Variants in HS6ST3 observed in about 807,000 individuals in gnomAD.
The protein encoded by HS6ST3 is heparan sulfate 6-O-sulfotransferase 3.
A neutral mutation model predicts 36.7 loss-of-function variants in HS6ST3; 12 were observed. The observed-to-expected ratio is 0.33, with a 90% CI of 0.21 to 0.53. HS6ST3 has a LOEUF of 0.53. HS6ST3 is among the 20% of genes least tolerant of loss of function. The probability of loss-of-function intolerance (pLI) is 0.95; values close to 1 mark genes in which losing one functional copy is unlikely to be tolerated. For synonymous variants in HS6ST3, 240 were observed against 257.5 expected (o/e 0.93, Z 0.65); for missense variants, 584 against 640.9 (o/e 0.91, Z 0.96).
At chr13:96,131,515 A>G (rs192459994) in intron 1 of HS6ST3, among the ~76,000 whole-genome samples, 5 of 152,330 alleles carry the variant, frequency 3.3e-5, no homozygotes, top group Admixed American at 3.3e-4. Context: ...AAATCTAATT[A>G]ACATTATGTA....
chr13:96,750,225 G>A (rs1320100685), intron 1 of HS6ST3, among the ~76,000 whole-genome samples: 2 of 152,216 alleles, frequency 1.3e-5, no homozygotes, highest in Non-Finnish European at 2.9e-5. Context: ...AACTCATAAA[G>A]TGTTAGTTAC....
At chr13:96,448,416 A>G (rs2055709786) in intron 1 of HS6ST3, among the ~76,000 whole-genome samples, 1 of 152,148 alleles carries the variant, frequency 6.6e-6, no homozygotes. Flanking sequence ...CTTATGGCTA[A>G]ATACTAAACC....
At chr13:96,596,067 A>T (rs2056400332) in intron 1 of HS6ST3, among the ~76,000 whole-genome samples, 1 of 152,182 alleles carries the variant, frequency 6.6e-6, no homozygotes, top group Admixed American at 6.5e-5. Context: ...ATGGTACTCA[A>T]CAGGTAATTT....
chr13:96,475,722 G>C (rs979111135), intron 1 of HS6ST3, among the ~76,000 whole-genome samples: 10 of 151,928 alleles, frequency 6.6e-5, no homozygotes, highest in African/African-American at 2.4e-4. Flanking sequence ...TTCAACAATG[G>C]TCACAGGTCA....
chr13:96,527,170 G>A (rs2056117578), intron 1 of HS6ST3, among the ~76,000 whole-genome samples: 1 of 152,030 alleles, frequency 6.6e-6, no homozygotes, highest in African/African-American at 2.4e-5. Flanking sequence ...GCTCACTGCA[G>A]CCTCAAATTC....
chr13:96,537,265 A>C (rs1244250353), intron 1 of HS6ST3, among the ~76,000 whole-genome samples: 1 of 152,182 alleles, frequency 6.6e-6, no homozygotes, highest in Non-Finnish European at 1.5e-5. Flanking sequence ...GTGAGACTTA[A>C]CTACCACGAG....
At chr13:96,822,361 A>G (rs1183932878) in intron 1 of HS6ST3, among the ~76,000 whole-genome samples, 2 of 152,224 alleles carry the variant, frequency 1.3e-5, no homozygotes, top group African/African-American at 4.8e-5. Flanking sequence ...GAATGAGAGC[A>G]GGACCCTCCC....
In HS6ST3 at chr13:96,324,712, A is replaced by G. The variant is rs556763395; in HGVS notation, c.707+233143A>G. 7.2e-4 allele frequency among the ~76,000 whole-genome samples: 110 copies of G among 152,320 alleles called. 1 individual carries two copies. Among genetic ancestry groups the G allele is most frequent in the African/African-American group, 2.6e-3 (109 of 41,578 alleles). Reference sequence around the variant, plus strand: ...GGAACATTTGAACACAGAGACACATACAGAGAGAAGATGTGAAGCTAAAGA... The same window carrying G: ...GGAACATTTGAACACAGAGACACATGCAGAGAGAAGATGTGAAGCTAAAGA... On this transcript the variant is annotated intron_variant, in intron 1 of 1. Transcript: ENST00000376705.
chr13:96,493,531 G>A (rs1159806753), intron 1 of HS6ST3, among the ~76,000 whole-genome samples: 5 of 151,854 alleles, frequency 3.3e-5, no homozygotes, highest in Admixed American at 3.3e-4. Context: ...TGACAGTGTG[G>A]GTACTTTTGG....
At chr13:96,677,394 T>C (rs1244593960) in intron 1 of HS6ST3, among the ~76,000 whole-genome samples, 5 of 152,170 alleles carry the variant, frequency 3.3e-5, no homozygotes, top group African/African-American at 1.2e-4. Context: ...GTTGAAAGCC[T>C]TTCTGTTAAT....
intron 1 of HS6ST3, among the ~76,000 whole-genome samples, chr13:96,672,890 G>A (rs2056687111): frequency 6.6e-6 from 1 of 152,096 alleles, no homozygotes; most frequent in Non-Finnish European, 1.5e-5. Flanking sequence ...CCTTATGAGG[G>A]TGTATTCATT....
intron 1 of HS6ST3, among the ~76,000 whole-genome samples, chr13:96,410,549 G>A (rs1233515048): frequency 6.6e-6 from 1 of 151,932 alleles, no homozygotes; most frequent in Non-Finnish European, 1.5e-5. Context: ...ATTTGTTGGA[G>A]TGCTACCCCC....
chr13:96,793,938 A>G (rs1367878526), intron 1 of HS6ST3, among the ~76,000 whole-genome samples: 1 of 152,090 alleles, frequency 6.6e-6, no homozygotes, highest in Non-Finnish European at 1.5e-5. Flanking sequence ...GTATGATTCT[A>G]AGAATTATCT....
At chr13:96,476,413 A>T (rs548988676) in intron 1 of HS6ST3, among the ~76,000 whole-genome samples, 13 of 152,042 alleles carry the variant, frequency 8.6e-5, no homozygotes, top group African/African-American at 3.1e-4. Flanking sequence ...CCCAGGCTGG[A>T]GTGCAATGGT....
At chr13:96,137,749 T>C (rs1209831792) in intron 1 of HS6ST3, among the ~76,000 whole-genome samples, 5 of 152,152 alleles carry the variant, frequency 3.3e-5, no homozygotes, top group Non-Finnish European at 7.4e-5. Context: ...TGTCAGCATT[T>C]GACCCTACAA....
chr13:96,491,472 C>CCA (rs11408188), intron 1 of HS6ST3, among the ~76,000 whole-genome samples: 2 of 123,694 alleles, frequency 1.6e-5, no homozygotes, highest in South Asian at 2.7e-4. Flanking sequence ...TACTAATGTG[C>CCA]AAAAAAAAAA....
At chr13:96,740,460 T>C (rs1475261603) in intron 1 of HS6ST3, among the ~76,000 whole-genome samples, 3 of 152,184 alleles carry the variant, frequency 2.0e-5, no homozygotes, top group Non-Finnish European at 4.4e-5. Flanking sequence ...TTTAAAACAA[T>C]CAAATTCAAT....
At position 96,831,980 on chromosome 13, in the gene HS6ST3, A is replaced by AAAAAC. The variant is rs1339637754; in HGVS notation, c.708-510_708-509insAAAAC. Among the ~76,000 whole-genome samples the AAAAAC allele has an allele frequency of 4.6e-4, 66 of 142,002 alleles. 3 individuals are homozygous for AAAAAC. The highest frequency in any genetic ancestry group is 1.6e-3 in the African/African-American group (62 of 38,446). The allele number at this position is 142,002 out of a possible 152,430, so 93.2% of individuals were successfully genotyped here. A position where few individuals can be genotyped will look rare whatever the true frequency, so the allele number is the denominator to read the frequency against. On this transcript the variant is annotated intron_variant, in intron 1 of 1. Transcript: ENST00000376705. ...AAAAAAAAAAAAAAAAAAAAAAAAA[A>AAAAAC]CAGAGATTAAGGAGAATACATGTTC...
In HS6ST3 at chr13:96,673,123, A is replaced by AT. The variant is rs111847412; in HGVS notation, c.708-159366dup. Among the ~76,000 whole-genome samples, 72 of 152,230 alleles carry AT rather than the reference A, an allele frequency of 4.7e-4. 1 individual carries two copies. The highest frequency in any genetic ancestry group is 1.7e-3 in the African/African-American group (69 of 41,562). On this transcript the variant is annotated intron_variant, in intron 1 of 1. Coordinates refer to ENST00000376705, the MANE Select transcript of HS6ST3 (RefSeq NM_153456.4). Reference sequence around the variant, plus strand: ...CTTCCTACGCTGGTGGCCATATCACATCAGTCTTCAAGGCCAGCATCTTTA... The same window carrying AT: ...CTTCCTACGCTGGTGGCCATATCACATTCAGTCTTCAAGGCCAGCATCTTTA...
Sources: allele counts gnomAD v4.1 joint callset (sites outside exome capture counted in the v4.1 genomes callset), GRCh38; gene constraint gnomAD v4.1.1; transcripts MANE v1.5; gene names NCBI Gene and HGNC (gene_info 2026-07-23, HGNC 2026-07-21).